Variants in GRM8 observed in about 807,000 individuals in gnomAD.
GRM8 encodes metabotropic glutamate receptor 8.
A neutral mutation model predicts 87.2 loss-of-function variants in GRM8; 47 were observed. That is an observed-to-expected ratio of 0.54 (90% CI 0.43 to 0.69). The LOEUF (loss-of-function observed/expected upper bound fraction) is 0.69, where lower values mean the gene tolerates loss of function less well. Ranked by LOEUF, GRM8 falls within the 30% of genes least tolerant of loss-of-function variation. The probability of loss-of-function intolerance (pLI) is 0.00; values close to 1 mark genes in which losing one functional copy is unlikely to be tolerated. For synonymous variants in GRM8, 396 were observed against 404.5 expected, an observed-to-expected ratio of 0.98 and a Z score of 0.25; for missense variants, 1,019 against 1,139.2, an observed-to-expected ratio of 0.89 and a Z score of 1.52.
At chr7:127,170,703 G>C (rs1793744578) in intron 2 of GRM8, among the ~76,000 whole-genome samples, 1 of 152,164 alleles carries the variant, frequency 6.6e-6, no homozygotes. Context: ...ACCTGAATGG[G>C]ACTGGAGACC....
At chr7:127,246,857 T>G (rs1407658995) in intron 1 of GRM8, among the ~76,000 whole-genome samples, 1 of 152,140 alleles carries the variant, frequency 6.6e-6, no homozygotes, top group Non-Finnish European at 1.5e-5. Context: ...AGGCATTAGC[T>G]CTTGTATAAA....
chr7:126,770,452 TA>T (rs1394029870), intron 6 of GRM8, among the ~76,000 whole-genome samples: 1 of 152,114 alleles, frequency 6.6e-6, no homozygotes, highest in Admixed American at 6.6e-5. Context: ...TGTCATTTAT[TA>T]GTGGCCCAAA....
chr7:126,555,361 G>A (rs1793026040), intron 8 of GRM8, among the ~76,000 whole-genome samples: 1 of 152,174 alleles, frequency 6.6e-6, no homozygotes, highest in African/African-American at 2.4e-5. Context: ...CTGGGCTAAG[G>A]GGTAGGCAGA....
chr7:126,829,929 C>T (rs1248104302), intron 6 of GRM8, among the ~76,000 whole-genome samples: 2 of 152,042 alleles, frequency 1.3e-5, no homozygotes, highest in African/African-American at 4.8e-5. Flanking sequence ...ATTTGCTTGT[C>T]TGTGAAGTAT....
chr7:126,567,661 G>A (rs914110282), intron 8 of GRM8, among the ~76,000 whole-genome samples: 4 of 152,004 alleles, frequency 2.6e-5, no homozygotes, highest in African/African-American at 9.7e-5. Flanking sequence ...GCTCTCTGGT[G>A]CAAAAAATAA....
intron 9 of GRM8, among the ~76,000 whole-genome samples, chr7:126,447,777 C>T (rs1461687808): frequency 6.6e-6 from 1 of 151,920 alleles, no homozygotes; most frequent in Non-Finnish European, 1.5e-5. Flanking sequence ...AGTTAAGAAA[C>T]TGTCTTTGGA....
At chr7:126,540,793 T>C (rs1007511409) in intron 8 of GRM8, among the ~76,000 whole-genome samples, 8 of 152,140 alleles carry the variant, frequency 5.3e-5, no homozygotes, top group South Asian at 2.1e-4. Context: ...CTAAAGGGTA[T>C]GGGATTTCTT....
At chr7:126,587,210 C>A (rs532116765) in intron 8 of GRM8, among the ~76,000 whole-genome samples, 1 of 152,302 alleles carries the variant, frequency 6.6e-6, no homozygotes, top group African/African-American at 2.4e-5. Context: ...GAAATAGGAA[C>A]ACCTTTACAC....
chr7:126,575,072 A>G (rs770534765), intron 8 of GRM8, among the ~76,000 whole-genome samples: 16 of 152,144 alleles, frequency 1.1e-4, no homozygotes, highest in Non-Finnish European at 2.1e-4. Flanking sequence ...CCTCTAGGGC[A>G]GGGGTTCCCA....
At chr7:126,759,941 G>C (rs1419801176) in intron 7 of GRM8, among the ~76,000 whole-genome samples, 1 of 152,154 alleles carries the variant, frequency 6.6e-6, no homozygotes, top group Non-Finnish European at 1.5e-5. Flanking sequence ...ACAAGGTGTT[G>C]AATGTTGTAA....
At chr7:127,229,509 G>A (rs978924628) in intron 2 of GRM8, 2 of 152,118 alleles carry the variant, frequency 1.3e-5, no homozygotes, top group Non-Finnish European at 2.9e-5. Flanking sequence ...GAAATTTCCT[G>A]TATCTTCCTT....
chr7:127,230,968 C>G (rs573852194), intron 2 of GRM8, among the ~76,000 whole-genome samples: 10 of 152,294 alleles, frequency 6.6e-5, no homozygotes, highest in Admixed American at 5.9e-4. Flanking sequence ...CACACTGTAG[C>G]CCTTTTTACA....
chr7:126,958,068 C>T (rs1808923752), intron 3 of GRM8, among the ~76,000 whole-genome samples: 1 of 152,182 alleles, frequency 6.6e-6, no homozygotes, highest in Admixed American at 6.5e-5. Context: ...TCTCGGGTCT[C>T]AGGGGTCTCC....
At chr7:127,208,044 C>T (rs1796010824) in intron 2 of GRM8, among the ~76,000 whole-genome samples, 1 of 152,164 alleles carries the variant, frequency 6.6e-6, no homozygotes, top group Admixed American at 6.5e-5. Context: ...GCCATACCCA[C>T]ATTTTTTGAT....
intron 6 of GRM8, among the ~76,000 whole-genome samples, chr7:126,850,061 T>C (rs1401371871): frequency 6.6e-6 from 1 of 152,186 alleles, no homozygotes; most frequent in African/African-American, 2.4e-5. Flanking sequence ...GAGTTGTCTA[T>C]GCATGCCGCC....
intron 7 of GRM8, among the ~76,000 whole-genome samples, chr7:126,718,029 G>A (rs1377047356): frequency 4.0e-5 from 6 of 151,898 alleles, no homozygotes; most frequent in East Asian, 3.9e-4. Flanking sequence ...TCAGGAGATC[G>A]AGACCACCCT....
chr7:126,654,178 AC>A (rs1157029896), intron 7 of GRM8, among the ~76,000 whole-genome samples: 1 of 152,176 alleles, frequency 6.6e-6, no homozygotes, highest in Admixed American at 6.5e-5. Flanking sequence ...AGGTGAGGTG[AC>A]AAGTGTGATT....
At chr7:126,828,519 T>C (rs1158270757) in intron 6 of GRM8, among the ~76,000 whole-genome samples, 1 of 152,232 alleles carries the variant, frequency 6.6e-6, no homozygotes, top group Non-Finnish European at 1.5e-5. Context: ...TGTAGTATTC[T>C]CTGATGGTAG....
At chr7:127,076,998 C>T (rs868018941) in intron 3 of GRM8, among the ~76,000 whole-genome samples, 1 of 152,168 alleles carries the variant, frequency 6.6e-6, no homozygotes, top group South Asian at 2.1e-4. Flanking sequence ...GTGAGCCAGT[C>T]CAATCCTTCG....
Sources: gnomAD v4.1 joint callset for allele counts (sites outside exome capture counted in the v4.1 genomes callset) on GRCh38, gnomAD v4.1.1 for gene constraint, MANE v1.5 for transcripts, NCBI Gene and HGNC (gene_info 2026-07-23, HGNC 2026-07-21) for gene names.